GABRB3: variants seen among roughly 807,000 people sequenced by gnomAD.
GABRB3 encodes the protein gamma-aminobutyric acid type A receptor subunit beta3, also known as gamma-aminobutyric acid receptor subunit beta-3.
In GABRB3, 14 loss-of-function variants were observed where a neutral mutation model predicts 52.1. That is an observed-to-expected ratio of 0.27 (90% CI 0.18 to 0.42). The LOEUF (loss-of-function observed/expected upper bound fraction) is 0.42, where lower values mean the gene tolerates loss of function less well. Ranked by LOEUF, GABRB3 falls within the 10% of genes least tolerant of loss-of-function variation. The probability of loss-of-function intolerance (pLI) is 1.00; values close to 1 mark genes in which losing one functional copy is unlikely to be tolerated. For missense variants in GABRB3, 307 were observed against 609.1 expected (o/e 0.50, Z 5.22); for synonymous variants, 260 against 232.3 (o/e 1.12, Z -1.08).
intron 3 of GABRB3, among the ~76,000 whole-genome samples, chr15:26,625,177 C>T (rs1054516372): frequency 2.6e-5 from 4 of 152,006 alleles, no homozygotes; most frequent in African/African-American, 9.7e-5. Context: ...GGGATGGGAG[C>T]TAAACAGTTC....
intron 3 of GABRB3, among the ~76,000 whole-genome samples, chr15:26,714,640 T>C (rs147732742): frequency 2.0e-4 from 30 of 152,334 alleles, no homozygotes; most frequent in African/African-American, 6.7e-4. Context: ...GATATGCATT[T>C]ATCTCAGTGA....
intron 3 of GABRB3, among the ~76,000 whole-genome samples, chr15:26,692,381 T>C (rs1164090971): frequency 6.6e-6 from 1 of 152,148 alleles, no homozygotes; most frequent in African/African-American, 2.4e-5. Flanking sequence ...AGCAGAAACC[T>C]TTTCAGATAC....
intron 7 of GABRB3, among the ~76,000 whole-genome samples, chr15:26,566,201 G>GT (rs1261247441): frequency 2.6e-5 from 4 of 152,120 alleles, no homozygotes; most frequent in African/African-American, 9.6e-5. Flanking sequence ...AGCACTTTCA[G>GT]TTTTTTGCAG....
At chr15:26,579,912 C>A (rs1890726261) in intron 6 of GABRB3, among the ~76,000 whole-genome samples, 1 of 152,114 alleles carries the variant, frequency 6.6e-6, no homozygotes, top group Non-Finnish European at 1.5e-5. Flanking sequence ...GCTGCTAACC[C>A]CAGTGGAGCA....
At chr15:26,656,434 T>G (rs546395318) in intron 3 of GABRB3, among the ~76,000 whole-genome samples, 1 of 152,352 alleles carries the variant, frequency 6.6e-6, no homozygotes, top group South Asian at 2.1e-4. Context: ...GATTTTTCCT[T>G]AAGTACCTTA....
chr15:26,682,952 G>C (rs533770691), intron 3 of GABRB3, among the ~76,000 whole-genome samples: 24 of 152,302 alleles, frequency 1.6e-4, no homozygotes, highest in Admixed American at 9.1e-4. Flanking sequence ...CTGCAGCTGT[G>C]GCCTGAATGG....
intron 3 of GABRB3, among the ~76,000 whole-genome samples, chr15:26,720,344 C>G (rs1217380534): frequency 6.6e-6 from 1 of 152,152 alleles, no homozygotes; most frequent in Non-Finnish European, 1.5e-5. Flanking sequence ...GTGAAACTTA[C>G]CTGTCACCTC....
chr15:26,592,307 C>T (rs1273958380), intron 4 of GABRB3, among the ~76,000 whole-genome samples: 3 of 152,132 alleles, frequency 2.0e-5, no homozygotes, highest in Non-Finnish European at 2.9e-5. Context: ...CTACAGCCTC[C>T]AATATGAGAG....
intron 8 of GABRB3, among the ~76,000 whole-genome samples, chr15:26,551,049 C>G (rs557382319): frequency 1.3e-5 from 2 of 152,344 alleles, no homozygotes; most frequent in South Asian, 4.1e-4. Flanking sequence ...CCAGCACATA[C>G]TAAGCCTGAG....
intron 3 of GABRB3, among the ~76,000 whole-genome samples, chr15:26,686,368 T>C (rs550776587): frequency 6.6e-6 from 1 of 152,228 alleles, no homozygotes; most frequent in South Asian, 2.1e-4. Flanking sequence ...GTCACTGAAG[T>C]TTTCAGGGGG....
chr15:26,630,979 T>C (rs908519086), intron 3 of GABRB3, among the ~76,000 whole-genome samples: 1 of 152,162 alleles, frequency 6.6e-6, no homozygotes, highest in Non-Finnish European at 1.5e-5. Flanking sequence ...AACAATTTCA[T>C]GTGAAGGTAA....
chr15:26,650,611 A>G (rs1281641389), intron 3 of GABRB3, among the ~76,000 whole-genome samples: 1 of 151,958 alleles, frequency 6.6e-6, no homozygotes, highest in Non-Finnish European at 1.5e-5. Context: ...TTTAAGTTAA[A>G]TCCTCAGACT....
At chr15:26,635,960 C>G (rs917990545) in intron 3 of GABRB3, among the ~76,000 whole-genome samples, 4 of 152,094 alleles carry the variant, frequency 2.6e-5, no homozygotes, top group African/African-American at 9.7e-5. Context: ...TTGATATAGC[C>G]GAGAAATATT....
chr15:26,603,459 A>G (rs1891659183), intron 4 of GABRB3, among the ~76,000 whole-genome samples: 1 of 152,002 alleles, frequency 6.6e-6, no homozygotes, highest in South Asian at 2.1e-4. Context: ...AAAAACAAAA[A>G]ATAAAACAAA....
At chr15:26,685,901 T>A (rs1888389696) in intron 3 of GABRB3, among the ~76,000 whole-genome samples, 2 of 150,880 alleles carry the variant, frequency 1.3e-5, no homozygotes, top group Admixed American at 1.3e-4. Flanking sequence ...GACTCCTGGG[T>A]TCAGGTGTTC....
chr15:26,759,449 C>T lies in GABRB3; in HGVS notation c.240+12953G>A, dbSNP rs897901423. ...CTAATTTTTGTATTTTTAGTAGAGA[C>T]GGGGTTTCACCATGTTGGCCAGACT... On this transcript the variant is annotated intron_variant, in intron 3 of 8. Transcript: ENST00000311550. Among the ~76,000 whole-genome samples, 4 of 152,076 alleles carry T rather than the reference C, an allele frequency of 2.6e-5. No homozygotes were observed. The East Asian group carries it at 5.8e-4, about 22-fold the overall frequency.
chr15:26,601,194 C>T lies in GABRB3; in HGVS notation c.462-17780G>A, dbSNP rs1488170117. ...AGCCCAGCACTTTGGGAGGCCGAGG[C>T]GGGCAGATCACCTGAGGTCGAGTTT... On this transcript the variant is annotated intron_variant, in intron 4 of 8. Transcript: ENST00000311550. Among the ~76,000 whole-genome samples the T allele has an allele frequency of 5.3e-5, 8 of 152,042 alleles. No individual in the cohort carries two copies. In the South Asian group the frequency reaches 8.3e-4, roughly 16 times the overall value.
At chr15:26,673,542 A>G (rs1887964297) in intron 3 of GABRB3, among the ~76,000 whole-genome samples, 2 of 152,242 alleles carry the variant, frequency 1.3e-5, no homozygotes, top group Non-Finnish European at 2.9e-5. Context: ...CTGGCCATAC[A>G]GTGACACTGA....
chr15:26,674,359 C>G lies in GABRB3; in HGVS notation c.241-52825G>C, dbSNP rs540456602. Among the ~76,000 whole-genome samples, 208 of 140,104 alleles carry G rather than the reference C, an allele frequency of 1.5e-3. 2 individuals carry two copies. The highest frequency in any genetic ancestry group is 5.3e-3 in the African/African-American group (198 of 37,112). 91.9% of individuals were successfully genotyped at this position (140,104 alleles called of 152,430 possible). A position where few individuals can be genotyped will look rare whatever the true frequency, so the allele number is the denominator to read the frequency against. On this transcript the variant is annotated intron_variant, in intron 3 of 8. Coordinates refer to ENST00000311550, the MANE Select transcript of GABRB3 (RefSeq NM_000814.6). The stretch of plus-strand genomic sequence containing the variant: ...AAGGCTGCAGTGAGCCGAGATCACG[C>G]CACTGCACTCCAGCCTGGGTGACAG...
Sources: allele counts gnomAD v4.1 joint callset (sites outside exome capture counted in the v4.1 genomes callset), GRCh38; gene constraint gnomAD v4.1.1; transcripts MANE v1.5; gene names NCBI Gene and HGNC (gene_info 2026-07-23, HGNC 2026-07-21).